Variants in AGBL1 observed in about 807,000 individuals in gnomAD.
The protein encoded by AGBL1 is cytosolic carboxypeptidase 4.
Under a neutral mutation model 118.9 loss-of-function variants are expected in AGBL1, and 130 were observed. The observed-to-expected ratio is 1.09, with a 90% CI of 0.95 to 1.26. The LOEUF (loss-of-function observed/expected upper bound fraction) is 1.26, where lower values mean the gene tolerates loss of function less well. Among genes scored for constraint, AGBL1 ranks in the 50% most tolerant of loss-of-function variants. The pLI, the probability that AGBL1 is intolerant of heterozygous loss-of-function variation, is 0.00. For missense variants in AGBL1, 1,584 were observed against 1,298.1 expected (o/e 1.22, Z -3.38); for synonymous variants, 555 against 478.9 (o/e 1.16, Z -2.08).
At chr15:86,199,434 C>A (rs2077868992) in intron 5 of AGBL1, among the ~76,000 whole-genome samples, 1 of 152,106 alleles carries the variant, frequency 6.6e-6, no homozygotes, top group African/African-American at 2.4e-5. Context: ...AGACATTTGG[C>A]CATTTGGCCA....
At chr15:86,217,475 T>C (rs530080819) in intron 5 of AGBL1, among the ~76,000 whole-genome samples, 16 of 152,220 alleles carry the variant, frequency 1.1e-4, no homozygotes, top group Admixed American at 3.3e-4. Flanking sequence ...CAGAAATTAA[T>C]AAAACAATCA....
chr15:86,448,750 G>A (rs28729115), intron 18 of AGBL1, among the ~76,000 whole-genome samples: 18,254 of 152,114 alleles, frequency 0.12, 1,466 homozygotes, highest in African/African-American at 0.23. Context: ...TAATTGATTG[G>A]TTATGGAGGA....
intron 5 of AGBL1, among the ~76,000 whole-genome samples, chr15:86,164,241 C>T (rs954532607): frequency 3.9e-5 from 6 of 152,142 alleles, no homozygotes; most frequent in African/African-American, 1.4e-4. Flanking sequence ...TCAGCTGGGG[C>T]TTAAACTTTT....
chr15:86,337,262 C>A (rs1481397058), intron 17 of AGBL1, among the ~76,000 whole-genome samples: 1 of 152,072 alleles, frequency 6.6e-6, no homozygotes, highest in East Asian at 1.9e-4. Context: ...AACAGACAAA[C>A]CTAGTCACTC....
chr15:86,641,061 C>T (rs4887494), intron 21 of AGBL1, among the ~76,000 whole-genome samples: 36,151 of 151,514 alleles, frequency 0.24, 5,314 homozygotes, highest in East Asian at 0.42. Context: ...TGAATGAGTC[C>T]TAATGTTTTC....
At chr15:86,991,753 G>C (rs1596715841) in intron 24 of AGBL1, among the ~76,000 whole-genome samples, 1 of 152,040 alleles carries the variant, frequency 6.6e-6, no homozygotes, top group Admixed American at 6.6e-5. Flanking sequence ...CACTGCGTAT[G>C]GTTTCCTCAC....
chr15:86,576,121 C>A (rs2084088316), intron 21 of AGBL1, among the ~76,000 whole-genome samples: 1 of 152,084 alleles, frequency 6.6e-6, no homozygotes, highest in African/African-American at 2.4e-5. Context: ...ATGCTAACTC[C>A]ATCATTTATT....
Position 86,247,798 on chromosome 15 carries a change from C to G in AGBL1, c.654C>G (p.Leu218=). ...TCCGACGGGGCTTGCTGCTCTGCCT[C>G]AGGCACATTGCTGCCCTCCGGTCCG... The part of the protein sequence containing the change: ...VQIRRGLLLC[L]RHIAALRSGR... The change falls in exon 7 of 23, where the codon CTC becomes CTG. Residue 218 remains leucine, a synonymous_variant. Coordinates refer to ENST00000614907, the MANE Select transcript of AGBL1 (RefSeq NM_001386094.1). 1.2e-6 allele frequency: 2 copies of G among 1,613,990 alleles called. No individual in the cohort carries two copies. Among genetic ancestry groups the G allele is most frequent in the Non-Finnish European group, 1.7e-6 (2 of 1,179,888 alleles).
chr15:86,925,179 G>A (rs561925453), intron 23 of AGBL1, among the ~76,000 whole-genome samples: 6,991 of 28,388 alleles, frequency 0.25, 628 homozygotes, highest in African/African-American at 0.37. Context: ...AAGAGGAAGA[G>A]GAAGAGGAAG....
chr15:86,826,069 A>G (rs968334741), intron 22 of AGBL1, among the ~76,000 whole-genome samples: 2 of 152,118 alleles, frequency 1.3e-5, no homozygotes, highest in Admixed American at 6.6e-5. Flanking sequence ...AATATTTCAC[A>G]CTGATGTAAT....
chr15:86,724,532 GC>G (rs1007788536), intron 22 of AGBL1, among the ~76,000 whole-genome samples: 44 of 152,254 alleles, frequency 2.9e-4, no homozygotes, highest in African/African-American at 1.1e-3. Flanking sequence ...GCAGCAGGGG[GC>G]AAGGGTAGAG....
intron 17 of AGBL1, among the ~76,000 whole-genome samples, chr15:86,321,915 A>C (rs917771073): frequency 6.6e-6 from 1 of 151,988 alleles, no homozygotes; most frequent in African/African-American, 2.4e-5. Flanking sequence ...ATTATTCAAT[A>C]CTTTCTTTAA....
intron 24 of AGBL1, among the ~76,000 whole-genome samples, chr15:87,018,114 G>A (rs1343965228): frequency 6.6e-6 from 1 of 152,084 alleles, no homozygotes; most frequent in African/African-American, 2.4e-5. Context: ...AAGAAATATG[G>A]GATCATGTAA....
chr15:86,906,446 G>A (rs1014095744), intron 22 of AGBL1, among the ~76,000 whole-genome samples: 2 of 152,222 alleles, frequency 1.3e-5, no homozygotes, highest in African/African-American at 4.8e-5. Context: ...GAAGCAGAAT[G>A]CTGTTTGCCC....
chr15:86,886,725 A>G (rs2079975894), intron 22 of AGBL1, among the ~76,000 whole-genome samples: 1 of 152,182 alleles, frequency 6.6e-6, no homozygotes, highest in South Asian at 2.1e-4. Context: ...AGAGTTTTCA[A>G]TTAGCCGTGG....
At chr15:86,995,223 C>CA (rs1391245490) in intron 24 of AGBL1, among the ~76,000 whole-genome samples, 2 of 152,134 alleles carry the variant, frequency 1.3e-5, no homozygotes, top group East Asian at 1.9e-4. Flanking sequence ...TCCATCTCTA[C>CA]AAAAAATTTA....
intron 23 of AGBL1, among the ~76,000 whole-genome samples, chr15:86,925,455 T>C (rs934508472): frequency 2.6e-5 from 4 of 152,164 alleles, no homozygotes; most frequent in African/African-American, 9.6e-5. Context: ...AATATGATAC[T>C]GATAATCAGG....
intron 22 of AGBL1, among the ~76,000 whole-genome samples, chr15:86,749,905 C>T (rs557949896): frequency 1.3e-5 from 2 of 151,940 alleles, no homozygotes; most frequent in South Asian, 2.1e-4. Context: ...TGCTGGATTC[C>T]GTTTGCCAGT....
intron 5 of AGBL1, among the ~76,000 whole-genome samples, chr15:86,199,220 G>T (rs2077865765): frequency 6.6e-6 from 1 of 152,150 alleles, no homozygotes; most frequent in African/African-American, 2.4e-5. Context: ...TAGATAGATT[G>T]TGTAGATGTA....
Sources: gnomAD v4.1 joint callset for allele counts (sites outside exome capture counted in the v4.1 genomes callset) on GRCh38, gnomAD v4.1.1 for gene constraint, MANE v1.5 for transcripts, NCBI Gene and HGNC (gene_info 2026-07-23, HGNC 2026-07-21) for gene names.